RAD17: variants seen among roughly 807,000 people sequenced by gnomAD.
The protein encoded by RAD17 is RAD17 checkpoint clamp loader component.
Under a neutral mutation model 81.5 loss-of-function variants are expected in RAD17, and 31 were observed. The ratio of observed to expected loss-of-function variants is 0.38; its 90% CI spans 0.29 to 0.51. RAD17 has a LOEUF of 0.51. RAD17 is among the 20% of genes least tolerant of loss of function. The pLI is 0.88. For synonymous variants in RAD17, 261 were observed against 266.2 expected (o/e 0.98, Z 0.19); for missense variants, 681 against 781.2 (o/e 0.87, Z 1.53).
At chr5:69,387,545 T>A (rs1014083047) in intron 11 of RAD17, among the ~76,000 whole-genome samples, 2 of 152,116 alleles carry the variant, frequency 1.3e-5, no homozygotes, top group Non-Finnish European at 2.9e-5. Context: ...GATGAATTAT[T>A]ATGCTATTAG....
intron 1 of RAD17, chr5:69,370,230 A>G (rs979524687): frequency 6.5e-6 from 1 of 154,488 alleles, no homozygotes; most frequent in Admixed American, 6.5e-5. Flanking sequence ...TACCTCTGAC[A>G]TCTCATTTCA....
chr5:69,372,944 T>C (rs185184938), intron 4 of RAD17, among the ~76,000 whole-genome samples: 107 of 152,250 alleles, frequency 7.0e-4, no homozygotes, highest in African/African-American at 2.2e-3. Context: ...GTTCCCCCTC[T>C]GGAAAGCCTG....
chr5:69,410,416 A>G (rs1338020686), intron 17 of RAD17, 77 bp from the exon 18 acceptor site: 1 of 1,126,568 alleles, frequency 8.9e-7, no homozygotes, highest in East Asian at 2.4e-5. Context: ...GATGTTCAGC[A>G]TCTTTTCAGG....
chr5:69,376,037 C>A (rs906070049), intron 6 of RAD17, among the ~76,000 whole-genome samples: 1 of 152,058 alleles, frequency 6.6e-6, no homozygotes, highest in Non-Finnish European at 1.5e-5. Context: ...TGATTAGACT[C>A]AAGTTGAACA....
chr5:69,393,077 T>C (rs1430615285), intron 13 of RAD17, 78 bp from the exon 14 acceptor site: 3 of 946,784 alleles, frequency 3.2e-6, no homozygotes, highest in Non-Finnish European at 3.2e-6. Context: ...GTCTAAAATT[T>C]TCAAACTCTT....
At chr5:69,377,485 A>ATATGTG (rs1561238972) in intron 6 of RAD17, among the ~76,000 whole-genome samples, 13 of 80,190 alleles carry the variant, frequency 1.6e-4, no homozygotes, top group African/African-American at 5.5e-4. Flanking sequence ...ACACACACAC[A>ATATGTG]CATATATATA....
intron 11 of RAD17, among the ~76,000 whole-genome samples, chr5:69,387,586 G>A (rs904594517): frequency 2.0e-5 from 3 of 152,064 alleles, no homozygotes; most frequent in African/African-American, 2.4e-5. Flanking sequence ...GGTCAGGTGC[G>A]GTGGCTCACG....
chr5:69,393,375 A>G lies in RAD17; in HGVS notation c.1297A>G (p.Met433Val), dbSNP rs749738074. ...ATAGGAGGTAGTAGAAATGTCACAC[A>G]TGCCTGGAGACTTATTTAATTTATA... ...EPEEVVEMSH[M>V]PGDLFNLYLH... The change falls in exon 15 of 19, where the codon ATG becomes GTG. Residue 433 changes from methionine (M) to valine (V), a missense_variant. Met to Val is a conservative substitution (Grantham distance 21). Transcript: ENST00000354868. 16 of 1,592,734 alleles carry G rather than the reference A, an allele frequency of 1.0e-5. No homozygotes were observed. The Middle Eastern group carries it at 5.0e-4, about 50-fold the overall frequency.
chr5:69,411,656 TGATG>T (rs1766010914), intron 18 of RAD17, among the ~76,000 whole-genome samples: 1 of 152,206 alleles, frequency 6.6e-6, no homozygotes, highest in South Asian at 2.1e-4. Flanking sequence ...AGAAAGACCA[TGATG>T]GATGGATCTT....
chr5:69,398,539 A>C (rs1187511045), intron 16 of RAD17, among the ~76,000 whole-genome samples: 1 of 151,822 alleles, frequency 6.6e-6, no homozygotes, highest in Admixed American at 6.6e-5. Flanking sequence ...GGGCGCTGTG[A>C]CTCACACCTG....
At position 69,373,982 on chromosome 5, in the gene RAD17, A is replaced by G; in HGVS notation, c.162A>G (p.Lys54=). ...TLESSRFPAR[K]RGNLSSLEQI... ...AAAGCAGCAGATTTCCAGCGAGAAA[A>G]AGAGGAAATCTATCTTCCTTAGAAC... Residue 54 remains lysine (K), a synonymous_variant, in exon 5 of 19, where the codon AAA becomes AAG. Coordinates refer to ENST00000354868, the MANE Select transcript of RAD17 (RefSeq NM_133338.3). 6.2e-7 allele frequency: 1 copy of G among 1,613,474 alleles called. No homozygotes were observed. Among genetic ancestry groups the G allele is most frequent in the Non-Finnish European group, 8.5e-7 (1 of 1,179,562 alleles).
intron 15 of RAD17, among the ~76,000 whole-genome samples, chr5:69,394,621 A>T (rs552759785): frequency 6.6e-6 from 1 of 152,188 alleles, no homozygotes; most frequent in Non-Finnish European, 1.5e-5. Context: ...TTCCTCAGTC[A>T]TACTAGCCAC....
At chr5:69,413,572 TC>T (rs1175710241) in intron 18 of RAD17, among the ~76,000 whole-genome samples, 1 of 152,258 alleles carries the variant, frequency 6.6e-6, no homozygotes, top group Non-Finnish European at 1.5e-5. Context: ...TCTTGCTCTG[TC>T]GTACAGGCTG....
At chr5:69,400,425 C>T (rs531837550) in intron 17 of RAD17, among the ~76,000 whole-genome samples, 5 of 151,980 alleles carry the variant, frequency 3.3e-5, no homozygotes, top group African/African-American at 9.6e-5. Flanking sequence ...ACTGTATTAG[C>T]CAGGATGGTC....
At chr5:69,384,699 T>C (rs1447856604) in intron 7 of RAD17, 98 bp from the exon 8 acceptor site, 1 of 1,112,490 alleles carries the variant, frequency 9.0e-7, no homozygotes, top group Non-Finnish European at 1.3e-6. Flanking sequence ...TCTACAGTAT[T>C]GTGAGATGCA....
At chr5:69,377,721 ATTTTC>A (rs142775823) in intron 6 of RAD17, among the ~76,000 whole-genome samples, 693 of 35,962 alleles carry the variant, frequency 0.019, 87 homozygotes, top group Middle Eastern at 0.027. Flanking sequence ...TGGGAAAAGT[ATTTTC>A]TTTATGGTTT....
intron 17 of RAD17, among the ~76,000 whole-genome samples, chr5:69,402,568 T>C (rs1352039776): frequency 1.3e-5 from 2 of 150,082 alleles, no homozygotes; most frequent in African/African-American, 4.9e-5. Flanking sequence ...GGCAGGAGAA[T>C]GGTATGAACC....
chr5:69,378,784 A>G (rs1580367885), intron 6 of RAD17, among the ~76,000 whole-genome samples: 1 of 152,214 alleles, frequency 6.6e-6, no homozygotes, highest in African/African-American at 2.4e-5. Flanking sequence ...TGAGAATATC[A>G]TAGAGTGTAC....
chr5:69,389,620 C>T (rs299085), intron 12 of RAD17, among the ~76,000 whole-genome samples: 3 of 152,092 alleles, frequency 2.0e-5, no homozygotes, highest in Admixed American at 6.5e-5. Context: ...AATACTGTGC[C>T]GAGGTAGGTT....
Sources: gnomAD v4.1 joint callset for allele counts (sites outside exome capture counted in the v4.1 genomes callset) on GRCh38, gnomAD v4.1.1 for gene constraint, MANE v1.5 for transcripts, NCBI Gene and HGNC (gene_info 2026-07-23, HGNC 2026-07-21) for gene names.